Variants in TRAPPC8 observed in about 807,000 individuals in gnomAD.
The protein encoded by TRAPPC8 is general sporulation gene 1 homolog.
TRAPPC8 carries 54 observed loss-of-function variants against 174.3 expected under a neutral mutation model. That is an observed-to-expected ratio of 0.31 (90% CI 0.25 to 0.39). TRAPPC8 has a LOEUF of 0.39. TRAPPC8 is among the 10% of genes least tolerant of loss of function. The pLI, the probability that TRAPPC8 is intolerant of heterozygous loss-of-function variation, is 1.00. For synonymous variants in TRAPPC8, 630 were observed against 579.9 expected, an observed-to-expected ratio of 1.09 and a Z score of -1.24; for missense variants, 1,531 against 1,699.1, an observed-to-expected ratio of 0.90 and a Z score of 1.74.
At chr18:31,937,552 A>G (rs1160101305) in intron 1 of TRAPPC8, 1 of 152,212 alleles carries the variant, frequency 6.6e-6, no homozygotes, top group Non-Finnish European at 1.5e-5. Flanking sequence ...TCAGCAGCAC[A>G]TATACTAAAA....
chr18:31,849,630 T>G lies in TRAPPC8; in HGVS notation c.3671A>C (p.Glu1224Ala). The G allele has an allele frequency of 6.2e-7, 1 of 1,613,356 alleles. No homozygotes were observed. Among genetic ancestry groups the G allele is most frequent in the African/African-American group, 1.3e-5 (1 of 75,016 alleles). Residue 1224 changes from glutamate (E) to alanine (A), a missense_variant, in exon 25 of 29, where the codon GAG (glutamate) becomes GCG (alanine). By Grantham distance (107) the Glu-to-Ala change is moderately radical. Coordinates refer to ENST00000283351, the MANE Select transcript of TRAPPC8 (RefSeq NM_014939.5). ...LPVHTEKQSTEDAVRLIQKCS... is the reference protein window; with the variant it reads ...LPVHTEKQSTADAVRLIQKCS... ...TTTTTGAATCAATCTCACAGCATCC[T>G]CTGTTGACTGTTTTTCTGTATGCAC...
intron 1 of TRAPPC8, among the ~76,000 whole-genome samples, chr18:31,941,086 T>A (rs1367312811): frequency 6.6e-6 from 1 of 152,224 alleles, no homozygotes; most frequent in Non-Finnish European, 1.5e-5. Flanking sequence ...TATTATTATT[T>A]ATTAAGAAAG....
intron 5 of TRAPPC8, among the ~76,000 whole-genome samples, chr18:31,911,833 G>A (rs1159449511): frequency 6.7e-6 from 1 of 148,598 alleles, no homozygotes; most frequent in Non-Finnish European, 1.5e-5. Context: ...CAGCACTTTG[G>A]GAGACCAAGG....
chr18:31,918,389 A>G (rs2037238565), intron 2 of TRAPPC8, among the ~76,000 whole-genome samples: 1 of 152,180 alleles, frequency 6.6e-6, no homozygotes, highest in African/African-American at 2.4e-5. Flanking sequence ...CCATAAGTAG[A>G]TCTTTTTCAA....
intron 18 of TRAPPC8, 80 bp from the exon 19 acceptor site, chr18:31,864,861 G>GT (rs1207357215): frequency 8.3e-7 from 1 of 1,205,432 alleles, no homozygotes; most frequent in South Asian, 1.7e-5. Context: ...TGTGAATATT[G>GT]TAAGTTTCAG....
intron 9 of TRAPPC8, among the ~76,000 whole-genome samples, chr18:31,905,996 A>C (rs2036639919): frequency 1.3e-5 from 2 of 152,124 alleles, no homozygotes; most frequent in South Asian, 4.1e-4. Flanking sequence ...CAATCAGAGA[A>C]TATTTAGCCA....
intron 27 of TRAPPC8, among the ~76,000 whole-genome samples, chr18:31,835,758 C>T (rs1278519554): frequency 1.3e-5 from 2 of 152,132 alleles, no homozygotes; most frequent in African/African-American, 4.8e-5. Context: ...TGTGAATCAT[C>T]CTTGTTGATA....
intron 19 of TRAPPC8, among the ~76,000 whole-genome samples, chr18:31,862,580 A>C (rs947305813): frequency 8.5e-5 from 13 of 152,120 alleles, no homozygotes; most frequent in African/African-American, 2.4e-4. Context: ...TCAGTCCATA[A>C]GTTTTTTTTA....
Position 31,916,310 on chromosome 18 carries a change from A to G in TRAPPC8, c.579T>C (p.Tyr193=). The change falls in exon 4 of 29, where the codon TAT becomes TAC. Residue 193 remains tyrosine (Y), a synonymous_variant. Transcript: ENST00000283351. ...KWFIPNTLKY[Y]VLLHDVSAGD... ...CTGCACTTACATCATGTAAAAGTAC[A>G]TAGTATTTAAGTGTATTTGGTATAA... The G allele has an allele frequency of 6.2e-7, 1 of 1,601,916 alleles. No individual in the cohort carries two copies. The highest frequency in any genetic ancestry group is 1.1e-5 in the South Asian group (1 of 88,198).
At chr18:31,908,473 T>A in intron 7 of TRAPPC8, 55 bp from the exon 8 acceptor site, 4 of 1,247,058 alleles carry the variant, frequency 3.2e-6, no homozygotes, top group Non-Finnish European at 4.3e-6. Context: ...ATTTTTCCTT[T>A]ACATAAAAAA....
chr18:31,902,075 G>A (rs949866309), intron 9 of TRAPPC8, among the ~76,000 whole-genome samples: 1 of 152,230 alleles, frequency 6.6e-6, no homozygotes, highest in East Asian at 1.9e-4. Flanking sequence ...AGCACTTTGG[G>A]AGGCTTAGGC....
chr18:31,864,482 T>C, intron 19 of TRAPPC8, 145 bp downstream of exon 19: 1 of 711,806 alleles, frequency 1.4e-6, no homozygotes, highest in Non-Finnish European at 2.1e-6. Flanking sequence ...ACATTGTGAA[T>C]TAAATATATT....
chr18:31,835,744 G>A (rs1484925115), intron 27 of TRAPPC8, among the ~76,000 whole-genome samples: 1 of 152,070 alleles, frequency 6.6e-6, no homozygotes, highest in East Asian at 1.9e-4. Flanking sequence ...TCTCTCTGTG[G>A]GACTGTGAAT....
chr18:31,912,574 T>C (rs958195103), intron 5 of TRAPPC8, among the ~76,000 whole-genome samples: 2 of 151,876 alleles, frequency 1.3e-5, no homozygotes, highest in Admixed American at 6.6e-5. Flanking sequence ...GACAGGAGAA[T>C]TGCTTGAACC....
At chr18:31,940,236 G>A (rs1330866363) in intron 1 of TRAPPC8, among the ~76,000 whole-genome samples, 1 of 152,082 alleles carries the variant, frequency 6.6e-6, no homozygotes, top group African/African-American at 2.4e-5. Flanking sequence ...CAGCACTTTG[G>A]GAGGCGGAGG....
chr18:31,914,467 A>G (rs548682886), intron 4 of TRAPPC8, among the ~76,000 whole-genome samples: 2 of 152,180 alleles, frequency 1.3e-5, no homozygotes, highest in Non-Finnish European at 2.9e-5. Flanking sequence ...CGGAAGACAC[A>G]CTCCAAATTG....
intron 1 of TRAPPC8, among the ~76,000 whole-genome samples, chr18:31,937,151 T>C (rs1408452881): frequency 6.6e-6 from 1 of 152,188 alleles, no homozygotes; most frequent in East Asian, 1.9e-4. Flanking sequence ...GAGGCGGAGC[T>C]TGCAGTGAGC....
At chr18:31,876,595 TGAGAA>T (rs1214753571) in intron 12 of TRAPPC8, among the ~76,000 whole-genome samples, 1 of 149,440 alleles carries the variant, frequency 6.7e-6, no homozygotes, top group African/African-American at 2.5e-5. Context: ...AACAGAAAAC[TGAGAA>T]AAGACAGCCA....
intron 26 of TRAPPC8, chr18:31,844,328 C>T (rs1228417478): frequency 1.3e-5 from 2 of 152,098 alleles, no homozygotes; most frequent in Non-Finnish European, 2.9e-5. Context: ...AAAGAAGTAA[C>T]TATAAGTTTG....
Sources: gnomAD v4.1 joint callset for allele counts (sites outside exome capture counted in the v4.1 genomes callset) on GRCh38, gnomAD v4.1.1 for gene constraint, MANE v1.5 for transcripts, NCBI Gene and HGNC (gene_info 2026-07-23, HGNC 2026-07-21) for gene names.